Variants in PTPRD observed in about 807,000 individuals in gnomAD.
PTPRD encodes the protein receptor-type tyrosine-protein phosphatase delta.
Under a neutral mutation model 214.5 loss-of-function variants are expected in PTPRD, and 34 were observed. That is an observed-to-expected ratio of 0.16 (90% CI 0.12 to 0.21). PTPRD has a LOEUF of 0.21. PTPRD is among the 10% of genes least tolerant of loss of function. The pLI, the probability that PTPRD is intolerant of heterozygous loss-of-function variation, is 1.00. For synonymous variants in PTPRD, 1,128 were observed against 845.7 expected, an observed-to-expected ratio of 1.33 and a Z score of -5.79; for missense variants, 2,545 against 2,398.7, an observed-to-expected ratio of 1.06 and a Z score of -1.27.
intron 27 of PTPRD, among the ~76,000 whole-genome samples, chr9:8,488,487 T>G (rs1287659626): frequency 6.6e-6 from 1 of 152,194 alleles, no homozygotes; most frequent in African/African-American, 2.4e-5. Flanking sequence ...GTTGTATATA[T>G]AAAACATGTG....
intron 3 of PTPRD, among the ~76,000 whole-genome samples, chr9:10,229,905 T>C (rs1297831051): frequency 6.6e-6 from 1 of 152,106 alleles, no homozygotes; most frequent in Non-Finnish European, 1.5e-5. Flanking sequence ...ACAAAGATCC[T>C]TTTTAATTCC....
At chr9:10,382,603 TATTGAACA>T (rs897305852) in intron 2 of PTPRD, among the ~76,000 whole-genome samples, 4 of 152,066 alleles carry the variant, frequency 2.6e-5, no homozygotes, top group African/African-American at 9.6e-5. Flanking sequence ...ATATGACATA[TATTGAACA>T]ATGTTTGCTT....
chr9:10,318,085 A>T (rs2096479389), intron 3 of PTPRD, among the ~76,000 whole-genome samples: 1 of 152,016 alleles, frequency 6.6e-6, no homozygotes, highest in South Asian at 2.1e-4. Context: ...AAACTTACAA[A>T]CTTTGGCTAA....
chr9:10,410,068 T>A (rs1397266562), intron 2 of PTPRD, among the ~76,000 whole-genome samples: 3 of 151,574 alleles, frequency 2.0e-5, no homozygotes, highest in Non-Finnish European at 4.4e-5. Context: ...TTTGGAATAA[T>A]TATATAGCAA....
intron 11 of PTPRD, among the ~76,000 whole-genome samples, chr9:8,780,268 C>T (rs2095643447): frequency 6.6e-6 from 1 of 152,136 alleles, no homozygotes; most frequent in Non-Finnish European, 1.5e-5. Context: ...TCAAGAGGTT[C>T]TCATTTGATA....
chr9:10,482,402 AAATC>A (rs932030299), intron 2 of PTPRD, among the ~76,000 whole-genome samples: 30 of 151,940 alleles, frequency 2.0e-4, no homozygotes, highest in African/African-American at 6.3e-4. Context: ...GTAAATAAAT[AAATC>A]AATCAATAAT....
At chr9:9,753,383 G>A (rs1189486445) in intron 6 of PTPRD, among the ~76,000 whole-genome samples, 1 of 152,026 alleles carries the variant, frequency 6.6e-6, no homozygotes, top group African/African-American at 2.4e-5. Context: ...AGCTGGTATA[G>A]TTAAGTGTCT....
intron 11 of PTPRD, among the ~76,000 whole-genome samples, chr9:8,844,425 TA>T (rs1351488302): frequency 1.3e-5 from 2 of 152,188 alleles, no homozygotes; most frequent in African/African-American, 4.8e-5. Flanking sequence ...TTACTAAGCA[TA>T]TTTTTTATTT....
intron 11 of PTPRD, among the ~76,000 whole-genome samples, chr9:8,962,548 G>GAA (rs2099164385): frequency 6.6e-6 from 1 of 151,754 alleles, no homozygotes; most frequent in East Asian, 1.9e-4. Context: ...AAGAGAGAGA[G>GAA]AGAGAGAGCG....
chr9:8,349,200 C>G (rs2074723961), intron 39 of PTPRD, among the ~76,000 whole-genome samples: 1 of 152,130 alleles, frequency 6.6e-6, no homozygotes, highest in Non-Finnish European at 1.5e-5. Context: ...TGATGAGATG[C>G]AAACAACCTG....
chr9:10,325,489 G>C (rs2096626936), intron 3 of PTPRD, among the ~76,000 whole-genome samples: 1 of 151,792 alleles, frequency 6.6e-6, no homozygotes, highest in Non-Finnish European at 1.5e-5. Context: ...ACTAAGTTAG[G>C]TTTACTCTCT....
intron 4 of PTPRD, among the ~76,000 whole-genome samples, chr9:9,996,095 CAT>C (rs66777826): frequency 0.07 from 10,614 of 152,100 alleles, 472 homozygotes; most frequent in East Asian, 0.1. Flanking sequence ...ATTCATGACA[CAT>C]GTATTAAATC....
At chr9:9,313,051 T>A (rs1185805641) in intron 9 of PTPRD, among the ~76,000 whole-genome samples, 1 of 152,200 alleles carries the variant, frequency 6.6e-6, no homozygotes, top group Non-Finnish European at 1.5e-5. Context: ...CACATTTATT[T>A]CAATGTTTAA....
At chr9:8,638,948 T>G (rs1595838557) in intron 12 of PTPRD, among the ~76,000 whole-genome samples, 1 of 152,182 alleles carries the variant, frequency 6.6e-6, no homozygotes, top group African/African-American at 2.4e-5. Context: ...GTTCAAGCGA[T>G]TCTCCTGCCT....
chr9:9,618,581 A>T (rs1421344044), intron 7 of PTPRD, among the ~76,000 whole-genome samples: 1 of 152,116 alleles, frequency 6.6e-6, no homozygotes, highest in East Asian at 1.9e-4. Context: ...GAAGGATCTT[A>T]ATCTTTGGAA....
At chr9:10,035,295 T>TC (rs1029721519) in intron 3 of PTPRD, among the ~76,000 whole-genome samples, 2 of 151,908 alleles carry the variant, frequency 1.3e-5, no homozygotes, top group African/African-American at 4.8e-5. Context: ...TATTTTTTTT[T>TC]CTTGTAAATT....
chr9:8,331,560 T>TTATTCACAAATGGAAA (rs1554702701), intron 44 of PTPRD, 22 bp downstream of exon 44: 19 of 913,222 alleles, frequency 2.1e-5, no homozygotes, highest in Non-Finnish European at 2.7e-5. Flanking sequence ...TATCACTGCT[T>TTATTCACAAATGGAAA]TATTCACAAA....
chr9:8,705,287 C>A (rs984359322), intron 12 of PTPRD, among the ~76,000 whole-genome samples: 3 of 152,178 alleles, frequency 2.0e-5, no homozygotes, highest in African/African-American at 7.2e-5. Context: ...GTGGCACCAT[C>A]TTGGCTCACT....
At chr9:10,070,434 C>A (rs1178117661) in intron 3 of PTPRD, among the ~76,000 whole-genome samples, 2 of 151,964 alleles carry the variant, frequency 1.3e-5, no homozygotes, top group South Asian at 4.1e-4. Context: ...ATCTTTGTAG[C>A]ATTGAGAGTA....
Sources: gnomAD v4.1 joint callset for allele counts (sites outside exome capture counted in the v4.1 genomes callset) on GRCh38, gnomAD v4.1.1 for gene constraint, MANE v1.5 for transcripts, NCBI Gene and HGNC (gene_info 2026-07-23, HGNC 2026-07-21) for gene names.